CEP128: variants seen among roughly 807,000 people sequenced by gnomAD.
CEP128 encodes centrosomal protein 128kDa.
CEP128 carries 132 observed loss-of-function variants against 156.7 expected under a neutral mutation model. The observed-to-expected ratio is 0.84, with a 90% CI of 0.73 to 0.97. The LOEUF is 0.97. CEP128 is among the 50% of genes least tolerant of loss of function. The pLI is 0.00. For synonymous variants in CEP128, 469 were observed against 448.9 expected (o/e 1.04, Z -0.57); for missense variants, 1,252 against 1,281.9 (o/e 0.98, Z 0.36).
intron 23 of CEP128, among the ~76,000 whole-genome samples, chr14:80,507,631 G>A (rs1338603300): frequency 1.3e-5 from 2 of 152,148 alleles, no homozygotes; most frequent in Non-Finnish European, 2.9e-5. Flanking sequence ...GATGATTAGA[G>A]GCCAATAAGG....
chr14:80,954,066 G>A (rs1189940511), intron 2 of CEP128, among the ~76,000 whole-genome samples: 2 of 151,926 alleles, frequency 1.3e-5, no homozygotes, highest in African/African-American at 2.4e-5. Flanking sequence ...TCAGGAGATC[G>A]AGACCAGCCT....
At chr14:80,920,451 C>T (rs1395812531) in intron 2 of CEP128, among the ~76,000 whole-genome samples, 1 of 152,162 alleles carries the variant, frequency 6.6e-6, no homozygotes, top group African/African-American at 2.4e-5. Context: ...AAGTACAAAG[C>T]AATATGCGTC....
At chr14:80,680,627 T>G (rs1209141724) in intron 19 of CEP128, among the ~76,000 whole-genome samples, 3 of 152,120 alleles carry the variant, frequency 2.0e-5, no homozygotes, top group Non-Finnish European at 4.4e-5. Context: ...TGTGGTATAG[T>G]AGGACCCTCT....
At chr14:80,745,462 T>A (rs1899052057) in intron 18 of CEP128, among the ~76,000 whole-genome samples, 1 of 152,216 alleles carries the variant, frequency 6.6e-6, no homozygotes, top group Non-Finnish European at 1.5e-5. Flanking sequence ...AGGAAAATCA[T>A]TAATGTAATA....
At chr14:80,782,307 A>G (rs906055859) in intron 15 of CEP128, among the ~76,000 whole-genome samples, 7 of 152,342 alleles carry the variant, frequency 4.6e-5, no homozygotes, top group Admixed American at 3.9e-4. Flanking sequence ...CAACCACTGC[A>G]TGACCACACC....
intron 24 of CEP128, 134 bp downstream of exon 24, chr14:80,504,778 T>A (rs1887892624): frequency 2.8e-6 from 1 of 359,414 alleles, no homozygotes; most frequent in Admixed American, 4.6e-5. Context: ...TCCTTGAACA[T>A]TTTTTGTATG....
In CEP128 at chr14:80,831,223, T is replaced by A. The variant is rs755319550; in HGVS notation, c.1129A>T (p.Met377Leu). 1 of 1,614,010 alleles carries A rather than the reference T, an allele frequency of 6.2e-7. No homozygotes were observed. The highest frequency in any genetic ancestry group is 2.2e-5 in the East Asian group (1 of 44,870). The change falls in exon 13 of 25, where the codon ATG becomes TTG. Residue 377 changes from methionine to leucine, a missense_variant. By Grantham distance (15) the Met-to-Leu change is conservative (BLOSUM62 2). Coordinates refer to ENST00000555265, the MANE Select transcript of CEP128 (RefSeq NM_152446.5). ...TTCACTTCCTCTAACTCAGATGCCA[T>A]TGCGCTGAAGTTCAGCTGCACTCTC... ...DLRVQLNFSA[M>L]ASELEEVKRC...
rs574511130 is a variant in CEP128, at chr14:80,648,004, T to C, written c.2807-67581A>G. ...ATTCCAAGGTTCTTCTAGGCTTTAC[T>C]GTAGATAATATAGCTTAAAATAAGC... On this transcript the variant is annotated intron_variant, in intron 19 of 24. Transcript: ENST00000555265. Among the ~76,000 whole-genome samples, 5 of 152,254 alleles carry C rather than the reference T, an allele frequency of 3.3e-5. No individual in the cohort carries two copies. The South Asian group carries it at 1.0e-3, about 32-fold the overall frequency.
chr14:80,558,357 C>G (rs1890526124), intron 21 of CEP128, among the ~76,000 whole-genome samples: 1 of 151,890 alleles, frequency 6.6e-6, no homozygotes, highest in African/African-American at 2.4e-5. Flanking sequence ...GGCATGATCT[C>G]GGCTCACGGC....
intron 19 of CEP128, among the ~76,000 whole-genome samples, chr14:80,666,056 T>C (rs750509092): frequency 1.3e-5 from 2 of 152,106 alleles, no homozygotes; most frequent in Non-Finnish European, 2.9e-5. Flanking sequence ...TATTTAAAAA[T>C]CAGGAGAGGA....
At chr14:80,479,290 A>G (rs1244264202) in intron 14 of CEP128, among the ~76,000 whole-genome samples, 1 of 152,180 alleles carries the variant, frequency 6.6e-6, no homozygotes, top group African/African-American at 2.4e-5. Flanking sequence ...ACAGTTCATT[A>G]TTGAATAAAA....
chr14:80,910,630 T>C (rs571038172), intron 4 of CEP128, among the ~76,000 whole-genome samples: 1 of 152,258 alleles, frequency 6.6e-6, no homozygotes, highest in African/African-American at 2.4e-5. Flanking sequence ...GTGAGCCAAT[T>C]AAACCTCTTT....
chr14:80,688,080 T>C (rs1313857375), intron 19 of CEP128, among the ~76,000 whole-genome samples: 1 of 152,164 alleles, frequency 6.6e-6, no homozygotes, highest in Non-Finnish European at 1.5e-5. Context: ...AAATCTCCCT[T>C]AGCTCTTTTA....
Position 80,836,350 on chromosome 14 carries a change from C to T in CEP128, c.925-13G>A. The T allele has an allele frequency of 6.2e-7, 1 of 1,612,928 alleles. No individual in the cohort carries two copies. Among genetic ancestry groups the T allele is most frequent in the Non-Finnish European group, 8.5e-7 (1 of 1,179,604 alleles). ...GCAGTTCTTCTACCTAACACATGGT[C>T]AAAAATCAAACATCGGTTTTCACAA... On this transcript the variant is annotated splice_polypyrimidine_tract_variant and intron_variant, in intron 11 of 24. Transcript: ENST00000555265.
chr14:80,847,101 T>C (rs1206974462), intron 9 of CEP128, among the ~76,000 whole-genome samples: 2 of 152,148 alleles, frequency 1.3e-5, no homozygotes, highest in South Asian at 2.1e-4. Flanking sequence ...TCTTCAGAAT[T>C]CTCTTCTATA....
chr14:80,918,615 C>A (rs534537815), intron 2 of CEP128, among the ~76,000 whole-genome samples: 2 of 152,326 alleles, frequency 1.3e-5, no homozygotes, highest in African/African-American at 4.8e-5. Context: ...ACACTATGTT[C>A]TTCCCACTGT....
At chr14:80,537,606 A>C (rs917735204) in intron 21 of CEP128, among the ~76,000 whole-genome samples, 1 of 152,226 alleles carries the variant, frequency 6.6e-6, no homozygotes, top group Non-Finnish European at 1.5e-5. Context: ...AATTGTAATC[A>C]CTTCATTTCT....
intron 9 of CEP128, among the ~76,000 whole-genome samples, chr14:80,846,596 C>T (rs1886614248): frequency 1.3e-5 from 2 of 152,106 alleles, no homozygotes; most frequent in South Asian, 2.1e-4. Context: ...TGTAAGATAA[C>T]ATACATGGTA....
chr14:80,577,248 A>G (rs1228632452), intron 20 of CEP128, among the ~76,000 whole-genome samples: 2 of 152,160 alleles, frequency 1.3e-5, no homozygotes, highest in Non-Finnish European at 2.9e-5. Context: ...CACATTCGCT[A>G]TATGACTTTT....
Sources: gnomAD v4.1 joint callset for allele counts (sites outside exome capture counted in the v4.1 genomes callset) on GRCh38, gnomAD v4.1.1 for gene constraint, MANE v1.5 for transcripts, NCBI Gene and HGNC (gene_info 2026-07-23, HGNC 2026-07-21) for gene names.